The following POC1B variants were observed in gnomAD, a reference collection of about 807,000 sequenced individuals.
POC1B encodes POC1 centriolar protein homolog B.
POC1B carries 44 observed loss-of-function variants against 60.6 expected under a neutral mutation model. That is an observed-to-expected ratio of 0.73 (90% CI 0.57 to 0.93). POC1B has a LOEUF of 0.93. POC1B is among the 40% of genes least tolerant of loss of function. The pLI is 0.00. For synonymous variants in POC1B, 180 were observed against 198.9 expected (o/e 0.90, Z 0.80); for missense variants, 555 against 572.3 (o/e 0.97, Z 0.31).
intron 2 of POC1B, chr12:89,523,797 A>C (rs369748566): frequency 1.2e-5 from 18 of 1,535,374 alleles, no homozygotes; most frequent in Non-Finnish European, 1.5e-5. Flanking sequence ...CAGGACACAC[A>C]ACTGCTGTTT....
chr12:89,486,877 ACT>A (rs899483711), intron 4 of POC1B, among the ~76,000 whole-genome samples: 2 of 151,186 alleles, frequency 1.3e-5, no homozygotes, highest in East Asian at 2.0e-4. Flanking sequence ...ATTTTTAAAA[ACT>A]CTCTCTTTCT....
chr12:89,413,392 T>C, the POC1B span, among the ~76,000 whole-genome samples: 1 of 152,104 alleles, frequency 6.6e-6, no homozygotes, highest in Non-Finnish European at 1.5e-5. Flanking sequence ...AGATGGAGTC[T>C]CACTATGCTG....
intron 2 of POC1B, chr12:89,524,900 C>G (rs11105310): frequency 1.4e-6 from 1 of 727,718 alleles, no homozygotes; most frequent in Non-Finnish European, 2.2e-6. Context: ...AGGCCCAGAC[C>G]GCTGGATAGG....
At chr12:89,463,224 T>C (rs1451511320) in intron 9 of POC1B, among the ~76,000 whole-genome samples, 11 of 152,216 alleles carry the variant, frequency 7.2e-5, no homozygotes, top group Admixed American at 7.2e-4. Context: ...CATAAAAAAC[T>C]GAAAGCCATC....
chr12:89,414,761 G>GT (rs145300792), downstream of POC1B, among the ~76,000 whole-genome samples: 6,915 of 151,906 alleles, frequency 0.046, 435 homozygotes, highest in East Asian at 0.12. Flanking sequence ...TAGAATAACT[G>GT]TTTTTTTTGT....
At chr12:89,488,411 C>A (rs947978604) in intron 4 of POC1B, among the ~76,000 whole-genome samples, 1 of 152,106 alleles carries the variant, frequency 6.6e-6, no homozygotes, top group Non-Finnish European at 1.5e-5. Flanking sequence ...TAGAAAGCAC[C>A]TTCATTTTAG....
Position 89,526,031 on chromosome 12 carries a change from A to G in POC1B, c.-136T>C, listed in dbSNP as rs1020657837. 3 of 1,535,220 alleles carry G rather than the reference A, an allele frequency of 2.0e-6. No homozygotes were observed. The highest frequency in any genetic ancestry group is 2.6e-6 in the Non-Finnish European group (3 of 1,145,298). On this transcript the variant is annotated 5_prime_UTR_variant, in exon 1 of 12. Coordinates refer to ENST00000313546, the MANE Select transcript of POC1B (RefSeq NM_172240.3). The stretch of plus-strand genomic sequence containing the variant: ...GCGGCAGCGCCTCCCGGTCACTACA[A>G]CAACGGCGGCCCAGTCAAACCCCGC...
intron 9 of POC1B, 93 bp downstream of exon 9, chr12:89,466,676 GT>G: frequency 1.6e-6 from 2 of 1,249,468 alleles, no homozygotes; most frequent in African/African-American, 3.0e-5. Context: ...GCAGCACTAG[GT>G]TTTATATATA....
chr12:89,505,883 G>A (rs1869870129), intron 2 of POC1B, among the ~76,000 whole-genome samples: 1 of 152,156 alleles, frequency 6.6e-6, no homozygotes, highest in South Asian at 2.1e-4. Flanking sequence ...CTTGGAAGGA[G>A]GAAAAAGAGT....
chr12:89,499,953 C>G (rs762731828), intron 2 of POC1B: 3 of 616,036 alleles, frequency 4.9e-6, no homozygotes, highest in Admixed American at 6.0e-5. Flanking sequence ...GCTCTTGCGG[C>G]GGCCATCGCC....
intron 11 of POC1B, among the ~76,000 whole-genome samples, chr12:89,423,035 T>C (rs887963935): frequency 6.6e-6 from 1 of 152,158 alleles, no homozygotes; most frequent in African/African-American, 2.4e-5. Context: ...GACAGGGTCT[T>C]AGTCTGTCAC....
intron 4 of POC1B, among the ~76,000 whole-genome samples, chr12:89,481,120 C>T (rs530044167): frequency 3.3e-5 from 5 of 150,654 alleles, no homozygotes; most frequent in South Asian, 2.1e-4. Context: ...GTGATCCACC[C>T]GCCTCGGCCT....
intron 10 of POC1B, among the ~76,000 whole-genome samples, chr12:89,430,676 C>T (rs1880992634): frequency 6.6e-6 from 1 of 152,070 alleles, no homozygotes; most frequent in Non-Finnish European, 1.5e-5. Context: ...GACTTCGTGC[C>T]ATCAGTAGAG....
At chr12:89,499,618 G>A (rs945798687) in intron 2 of POC1B, among the ~76,000 whole-genome samples, 5 of 144,754 alleles carry the variant, frequency 3.5e-5, no homozygotes, top group Non-Finnish European at 7.8e-5. Flanking sequence ...ATAAGGAAAG[G>A]ATTTTTTTTT....
chr12:89,522,651 G>C (rs1384339847), intron 2 of POC1B: 4 of 803,548 alleles, frequency 5.0e-6, no homozygotes, highest in Non-Finnish European at 7.1e-6. Context: ...TGGGTACCCA[G>C]TTTCAGTGTG....
the POC1B span, among the ~76,000 whole-genome samples, chr12:89,402,728 T>G: frequency 6.6e-6 from 1 of 152,200 alleles, no homozygotes; most frequent in Admixed American, 6.5e-5. Context: ...TTGCATAGTA[T>G]TCTATGGACA....
intron 10 of POC1B, among the ~76,000 whole-genome samples, chr12:89,455,190 C>T (rs765566001): frequency 6.6e-6 from 1 of 152,064 alleles, no homozygotes; most frequent in Non-Finnish European, 1.5e-5. Context: ...CAAAAATTAG[C>T]TGGGCATGAT....
At chr12:89,439,215 G>A (rs1421425281) in intron 10 of POC1B, among the ~76,000 whole-genome samples, 6 of 152,114 alleles carry the variant, frequency 3.9e-5, no homozygotes, top group Admixed American at 2.0e-4. Context: ...TCATGAAAAC[G>A]CCTGCATGCC....
intron 9 of POC1B, among the ~76,000 whole-genome samples, chr12:89,462,549 T>C (rs540756300): frequency 2.8e-4 from 42 of 152,184 alleles, no homozygotes; most frequent in Non-Finnish European, 5.1e-4. Context: ...ACTACAAGCT[T>C]CTAAAGAGCA....
Sources: allele counts gnomAD v4.1 joint callset (sites outside exome capture counted in the v4.1 genomes callset), GRCh38; gene constraint gnomAD v4.1.1; transcripts MANE v1.5; gene names NCBI Gene and HGNC (gene_info 2026-07-23, HGNC 2026-07-21).